YAF2: variants seen among roughly 807,000 people sequenced by gnomAD.
YAF2 encodes YY1 associated factor 2, also known as YY1-associated factor 2.
Under a neutral mutation model 20.1 loss-of-function variants are expected in YAF2, and 7 were observed. That is an observed-to-expected ratio of 0.35 (90% confidence interval 0.20 to 0.65). The LOEUF (loss-of-function observed/expected upper bound fraction) is 0.65, where lower values mean the gene tolerates loss of function less well. Among genes scored for constraint, YAF2 ranks in the 30% least tolerant of loss-of-function variants. The pLI, the probability that YAF2 is intolerant of heterozygous loss-of-function variation, is 0.69. For synonymous variants in YAF2, 74 were observed against 76.0 expected (o/e 0.97, Z 0.14); for missense variants, 151 against 219.2 (o/e 0.69, Z 1.96).
rs570155760 is a variant in YAF2 at position 42,230,178 on chromosome 12, A to G, written c.152+7421T>C. ...AGGCTGAGGCAGGAGAATCGCTCAA[A>G]TCTGGGAGGCGGAGATTGCAGTGAG... On this transcript the variant is annotated intron_variant, in intron 2 of 3. Coordinates refer to ENST00000534854, the MANE Select transcript of YAF2 (RefSeq NM_005748.6). Among the ~76,000 whole-genome samples the G allele has an allele frequency of 3.3e-5, 5 of 152,308 alleles. No individual in the cohort carries two copies. The South Asian group carries it at 8.3e-4, about 25-fold the overall frequency.
In YAF2 at chr12:42,236,449, TATG is replaced by T. The variant is rs781640869; in HGVS notation, c.152+1147_152+1149del. ...CAATTGTGGGAATATACAAAAAGCA[TATG>T]ATGATTTACAAAAAACAAGCATGTC... On this transcript the variant is annotated intron_variant, in intron 2 of 3. Transcript: ENST00000534854. 2.2e-4 allele frequency among the ~76,000 whole-genome samples: 34 copies of T among 152,336 alleles called. 1 individual carries two copies. The highest frequency in any genetic ancestry group is 8.3e-4 in the South Asian group (4 of 4,834).
At chr12:42,166,716 G>T (rs1438606115) in intron 2 of YAF2, among the ~76,000 whole-genome samples, 3 of 151,604 alleles carry the variant, frequency 2.0e-5, no homozygotes, top group Non-Finnish European at 2.9e-5. Flanking sequence ...ACTATCACTG[G>T]CTTTACACCA....
At position 42,214,316 on chromosome 12, in the gene YAF2, G is replaced by T. The variant is rs565371169; in HGVS notation, c.152+23283C>A. 4.6e-5 allele frequency among the ~76,000 whole-genome samples: 7 copies of T among 152,224 alleles called. 1 individual carries two copies. The highest frequency in any genetic ancestry group is 1.4e-4 in the African/African-American group (6 of 41,534). The stretch of plus-strand genomic sequence containing the variant: ...TGAGACAAGGTCTGGCTTTTGTCCA[G>T]GCTGGAGTGCAGTGGCACAATCTCA... On this transcript the variant is annotated intron_variant, in intron 2 of 3. Coordinates refer to ENST00000534854, the MANE Select transcript of YAF2 (RefSeq NM_005748.6).
At chr12:42,176,554 C>T (rs1398991163) in intron 2 of YAF2, among the ~76,000 whole-genome samples, 2 of 152,068 alleles carry the variant, frequency 1.3e-5, no homozygotes, top group African/African-American at 4.8e-5. Context: ...TTCCGTTTTT[C>T]CTCTCATACT....
intron 2 of YAF2, among the ~76,000 whole-genome samples, chr12:42,189,299 T>C (rs1248288918): frequency 6.6e-6 from 1 of 152,240 alleles, no homozygotes; most frequent in African/African-American, 2.4e-5. Context: ...CTGATTGATA[T>C]ATTAACTGGT....
At chr12:42,208,519 T>A (rs1185702650) in intron 2 of YAF2, among the ~76,000 whole-genome samples, 1 of 152,186 alleles carries the variant, frequency 6.6e-6, no homozygotes, top group Non-Finnish European at 1.5e-5. Context: ...CTAAACTGTA[T>A]CATTCAGCTA....
rs1441154327 is a variant in YAF2, at chr12:42,161,702, T to C, written c.216A>G (p.Thr72=). ...QQVTQQFVPP[T]QSKKEKKDKV... ...TATCTTTTTTCTCTTTCTTTGACTG[T>C]GTAGGAGGCACAAACTGCTGAGTAA... The change falls in exon 3 of 4, where the codon ACA becomes ACG. Residue 72 remains threonine (T), a synonymous_variant. Coordinates refer to ENST00000534854, the MANE Select transcript of YAF2 (RefSeq NM_005748.6). The C allele has an allele frequency of 2.5e-6, 4 of 1,610,800 alleles. No individual in the cohort carries two copies. Among genetic ancestry groups the C allele is most frequent in the South Asian group, 1.1e-5 (1 of 89,980 alleles).
At chr12:42,235,452 T>C (rs1401722533) in intron 2 of YAF2, 7 of 1,199,158 alleles carry the variant, frequency 5.8e-6, no homozygotes, top group Non-Finnish European at 6.3e-6. Flanking sequence ...CACTGTTCTA[T>C]ACAAACACAG....
intron 2 of YAF2, chr12:42,232,868 G>C: frequency 1.0e-6 from 1 of 985,206 alleles, no homozygotes; most frequent in Non-Finnish European, 1.2e-6. Flanking sequence ...ACTGTGTTCA[G>C]TTATAAACAA....
chr12:42,235,983 C>G, intron 2 of YAF2: 2 of 1,536,100 alleles, frequency 1.3e-6, no homozygotes, highest in Non-Finnish European at 1.7e-6. Context: ...CAGCTTCCCC[C>G]CTTCCTTGCT....
At chr12:42,227,568 G>A (rs1184793515) in intron 2 of YAF2, among the ~76,000 whole-genome samples, 227 of 148,880 alleles carry the variant, frequency 1.5e-3, no homozygotes, top group Non-Finnish European at 2.7e-3. Context: ...CTGCCCGGCC[G>A]CCCTGTCTGA....
At chr12:42,179,900 G>C (rs961817517) in intron 2 of YAF2, among the ~76,000 whole-genome samples, 1 of 151,536 alleles carries the variant, frequency 6.6e-6, no homozygotes, top group Non-Finnish European at 1.5e-5. Context: ...TAGACTGATA[G>C]TATACTCACT....
chr12:42,160,559 A>C lies in YAF2; in HGVS notation c.*30T>G. 1 of 1,561,868 alleles carries C rather than the reference A, an allele frequency of 6.4e-7. No individual in the cohort carries two copies. Among genetic ancestry groups the C allele is most frequent in the Non-Finnish European group, 8.8e-7 (1 of 1,135,602 alleles). On this transcript the variant is annotated 3_prime_UTR_variant, in exon 4 of 4. Transcript: ENST00000534854. ...TCTGTGTATTTGCATGGTAGGACAG[A>C]AGTGACTAAGAAATTGGAGAAAATA...
intron 2 of YAF2, among the ~76,000 whole-genome samples, chr12:42,229,180 A>G (rs1182715585): frequency 2.5e-5 from 2 of 79,826 alleles, no homozygotes; most frequent in South Asian, 1.1e-3. Flanking sequence ...GGGCGGTGCA[A>G]GATGTGCTTT....
intron 2 of YAF2, among the ~76,000 whole-genome samples, chr12:42,195,591 G>T (rs759423352): frequency 1.3e-5 from 2 of 152,140 alleles, no homozygotes; most frequent in African/African-American, 2.4e-5. Context: ...CAGAATTAAT[G>T]ATTATTAAAA....
At chr12:42,232,611 C>A (rs747707253) in intron 2 of YAF2, 5 of 985,406 alleles carry the variant, frequency 5.1e-6, no homozygotes, top group Non-Finnish European at 6.0e-6. Context: ...CCATGCATTT[C>A]TTTAAAAAGG....
At chr12:42,170,665 C>A (rs895972346) in intron 2 of YAF2, among the ~76,000 whole-genome samples, 1 of 151,710 alleles carries the variant, frequency 6.6e-6, no homozygotes, top group African/African-American at 2.4e-5. Flanking sequence ...AACAAACAAA[C>A]AAAAAACTAT....
At chr12:42,215,064 T>C (rs1207902829) in intron 2 of YAF2, among the ~76,000 whole-genome samples, 1 of 152,164 alleles carries the variant, frequency 6.6e-6, no homozygotes, top group Non-Finnish European at 1.5e-5. Flanking sequence ...TGTCTTGTTC[T>C]CCTCTGTAAC....
intron 2 of YAF2, among the ~76,000 whole-genome samples, chr12:42,187,442 C>T (rs2066502170): frequency 6.6e-6 from 1 of 152,062 alleles, no homozygotes; most frequent in Admixed American, 6.5e-5. Flanking sequence ...TTACAGCCCA[C>T]CTTGTTTTTA....
Sources: allele counts gnomAD v4.1 joint callset (sites outside exome capture counted in the v4.1 genomes callset), GRCh38; gene constraint gnomAD v4.1.1; transcripts MANE v1.5; gene names NCBI Gene and HGNC (gene_info 2026-07-23, HGNC 2026-07-21).